The following CLUH variants were observed in gnomAD, a reference collection of about 807,000 sequenced individuals.
The protein encoded by CLUH is clustered mitochondria protein homolog.
In CLUH, 77 loss-of-function variants were observed where a neutral mutation model predicts 139.3. The observed-to-expected ratio is 0.55, with a 90% CI of 0.46 to 0.67. The LOEUF (loss-of-function observed/expected upper bound fraction) is 0.67. CLUH is among the 30% of genes least tolerant of loss of function. CLUH has a pLI of 0.00. For synonymous variants in CLUH, 999 were observed against 801.6 expected, an observed-to-expected ratio of 1.25 and a Z score of -4.16; for missense variants, 1,876 against 1,875.8, an observed-to-expected ratio of 1.00 and a Z score of 0.00.
chr17:2,708,291 A>T (rs1427747035), intron 1 of CLUH, among the ~76,000 whole-genome samples: 2 of 152,130 alleles, frequency 1.3e-5, no homozygotes, highest in Non-Finnish European at 2.9e-5. Flanking sequence ...ACCAGAGGAG[A>T]AGGACCAGGC....
intron 13 of CLUH, 155 bp from the exon 14 acceptor site, chr17:2,695,681 C>T: frequency 1.9e-6 from 2 of 1,031,634 alleles, no homozygotes; most frequent in East Asian, 5.3e-5. Context: ...CAGCCTCTGG[C>T]AGGAGCGCAG....
chr17:2,694,679 C>A, intron 16 of CLUH, 115 bp from the exon 17 acceptor site: 1 of 1,307,396 alleles, frequency 7.6e-7, no homozygotes, highest in South Asian at 1.4e-5. Context: ...CCCCACCCGG[C>A]CCCCGGGAGC....
At chr17:2,695,553 C>T (rs767447000) in intron 13 of CLUH, 27 bp from the exon 14 acceptor site, 2 of 1,561,378 alleles carry the variant, frequency 1.3e-6, no homozygotes, top group South Asian at 1.2e-5. Flanking sequence ...CTCAGGCCCC[C>T]ACCCAGCTCC....
chr17:2,697,139 C>G (rs574897029), intron 10 of CLUH, among the ~76,000 whole-genome samples, 197 bp from the exon 11 acceptor site: 1 of 152,344 alleles, frequency 6.6e-6, no homozygotes, highest in South Asian at 2.1e-4. Flanking sequence ...GTGGCTCACG[C>G]CTGTAATCCC....
rs1379888754 is a variant in CLUH at position 2,698,582 on chromosome 17, G to A, written c.1275C>T (p.Ser425=). 5 of 1,601,502 alleles carry A rather than the reference G, an allele frequency of 3.1e-6. No individual in the cohort carries two copies. The highest frequency in any genetic ancestry group is 4.3e-6 in the Non-Finnish European group (5 of 1,173,568). The change falls in exon 10 of 26, where the codon AGC becomes AGT. Residue 425 remains serine (S), a synonymous_variant. Transcript: ENST00000651024. The part of the protein sequence containing the change: ...LRERAIFKVH[S]DFTAAATRGA... ...CCCTGGTGGCTGCCGCGGTGAAGTCGCTGTGCACCTGGCGGGGGTCGAGGA... is the reference window on the plus strand; with the variant it reads ...CCCTGGTGGCTGCCGCGGTGAAGTCACTGTGCACCTGGCGGGGGTCGAGGA...
chr17:2,700,800 T>G lies in CLUH; in HGVS notation c.1051A>C (p.Ile351Leu). 6.5e-7 allele frequency: 1 copy of G among 1,529,208 alleles called. No homozygotes were observed. The highest frequency in any genetic ancestry group is 8.7e-7 in the Non-Finnish European group (1 of 1,143,834). 94.7% of individuals were successfully genotyped at this position (1,529,208 alleles called of 1,614,324 possible). The change falls in exon 8 of 26, where the codon ATC (isoleucine) becomes CTC (leucine). Residue 351 changes from isoleucine (I) to leucine (L), a missense_variant. By Grantham distance (5) the Ile-to-Leu change is conservative. Transcript: ENST00000651024. ...CTGTACACCTGGAATGGGGTGGCGA[T>G]CCTCTCGAACGGGTGGCGCTGGACC... ...KRVQRHPFERIATPFQVYSWT... is the reference protein window; with the variant it reads ...KRVQRHPFERLATPFQVYSWT...
chr17:2,690,656 G>T lies in CLUH; in HGVS notation c.3985C>A (p.Pro1329Thr), dbSNP rs1326512987. The T allele has an allele frequency of 2.6e-6, 4 of 1,540,292 alleles. No homozygotes were observed. The South Asian group carries it at 3.7e-5, about 14-fold the overall frequency. ...MATEPAPAGA[P>T]GDLGSQPPAA... Reference sequence around the variant, plus strand: ...GGGGGCTGGGAGCCCAGGTCTCCTGGGGCCCCCGCTGGCGCGGGCTCGGTA... The same window carrying T: ...GGGGGCTGGGAGCCCAGGTCTCCTGTGGCCCCCGCTGGCGCGGGCTCGGTA... The change falls in exon 26 of 26, where the codon CCA becomes ACA. Residue 1329 changes from proline to threonine, a missense_variant. Pro to Thr is a conservative substitution (Grantham distance 38). Coordinates refer to ENST00000651024, the MANE Select transcript of CLUH (RefSeq NM_001366661.1).
chr17:2,704,340 A>G lies in CLUH; in HGVS notation c.303+22T>C. ...CCCAGCAGGCTCAGGCCTGGCCCCC[A>G]GCACCCGTTCCTCCATCTTACCTGC... On this transcript the variant is annotated intron_variant, in intron 2 of 25. Transcript: ENST00000651024. The surrounding 1 kb of genome is among the most constrained non-coding windows in gnomAD (Gnocchi z 5.7). 4 of 1,602,606 alleles carry G rather than the reference A, an allele frequency of 2.5e-6. No homozygotes were observed. The highest frequency in any genetic ancestry group is 3.4e-6 in the Non-Finnish European group (4 of 1,174,530).
Position 2,704,305 on chromosome 17 carries a change from G to C in CLUH, c.303+57C>G. On this transcript the variant is annotated intron_variant, in intron 2 of 25. Coordinates refer to ENST00000651024, the MANE Select transcript of CLUH (RefSeq NM_001366661.1). This position sits in a 1 kb window ranked among gnomAD's most constrained non-coding sequence, Gnocchi z 5.7. ...AGCACGAGCAAGGCTGAGCTTTCCA[G>C]CTCACCCTCCCCAGCAGGCTCAGGC... The C allele has an allele frequency of 4.5e-6, 7 of 1,547,480 alleles. No individual in the cohort carries two copies. In the South Asian group the frequency reaches 8.2e-5, roughly 18 times the overall value.
chr17:2,693,349 T>A (rs1011382650), intron 19 of CLUH, among the ~76,000 whole-genome samples: 5 of 152,106 alleles, frequency 3.3e-5, no homozygotes, highest in Admixed American at 6.5e-5. Context: ...GGAGTCGATA[T>A]CACGCCACTA....
In CLUH at chr17:2,704,488, G is replaced by A. The variant is rs1276185775; in HGVS notation, c.177C>T (p.Pro59=). The A allele has an allele frequency of 4.4e-6, 7 of 1,592,838 alleles. No homozygotes were observed. Among genetic ancestry groups the A allele is most frequent in the Non-Finnish European group, 6.0e-6 (7 of 1,170,154 alleles). The stretch of plus-strand genomic sequence containing the variant: ...CGGCCTCGTCAAGCCCATTTTCCCT[G>A]GGTGGCTCGGCCGCCGCCGCCTCCT... ...LKKEAAAAEP[P]RENGLDEAGP... Residue 59 remains proline (P), a synonymous_variant, in exon 2 of 26, where the codon CCC becomes CCT. Coordinates refer to ENST00000651024, the MANE Select transcript of CLUH (RefSeq NM_001366661.1). This position sits in a 1 kb window ranked among gnomAD's most constrained non-coding sequence, Gnocchi z 5.7.
chr17:2,696,521 C>G lies in CLUH; in HGVS notation c.2203G>C (p.Glu735Gln), dbSNP rs371577642. The G allele has an allele frequency of 6.3e-6, 10 of 1,576,852 alleles. No homozygotes were observed. The highest frequency in any genetic ancestry group is 1.7e-4 in the Middle Eastern group (1 of 6,058). Residue 735 changes from glutamate (E) to glutamine (Q), a missense_variant, in exon 12 of 26, where the codon GAG (glutamate) becomes CAG (glutamine). Physicochemically the swap from Glu to Gln is conservative, Grantham distance 29 (BLOSUM62 2). This residue lies in a region of CLUH where 1,454 missense variants were observed against 1,384.4 expected (regional missense o/e 1.05). Coordinates refer to ENST00000651024, the MANE Select transcript of CLUH (RefSeq NM_001366661.1). ...DDGTADPRSR[E>Q]VIRNACKAVG... ...GCCTTGCACGCGTTGCGGATCACCT[C>G]CCGGCTCCGAGGGTCTGCTGTGGAG...
intron 25 of CLUH, among the ~76,000 whole-genome samples, chr17:2,691,352 A>C (rs1302103027): frequency 6.6e-6 from 1 of 152,002 alleles, no homozygotes. Flanking sequence ...TCGCAAGGTT[A>C]AGAGTTCGAG....
chr17:2,697,271 C>T (rs988648288), intron 10 of CLUH, among the ~76,000 whole-genome samples: 13 of 152,074 alleles, frequency 8.5e-5, no homozygotes, highest in African/African-American at 2.9e-4. Flanking sequence ...TGGTGGTGCA[C>T]GCCTGTAATA....
chr17:2,694,587 G>A (rs1292267000), intron 16 of CLUH, 23 bp from the exon 17 acceptor site: 2 of 1,554,974 alleles, frequency 1.3e-6, no homozygotes, highest in Admixed American at 1.9e-5. Context: ...CAGGGGGCCT[G>A]AGCAGCCCAA....
rs752225113 is a variant in CLUH at position 2,698,178 on chromosome 17, T to C, written c.1679A>G (p.Glu560Gly). 2.5e-6 allele frequency: 4 copies of C among 1,574,418 alleles called. No individual in the cohort carries two copies. In the Admixed American group the frequency reaches 7.4e-5, roughly 29 times the overall value. Residue 560 changes from glutamate to glycine, a missense_variant, in exon 10 of 26, where the codon GAG becomes GGG. Transcript: ENST00000651024. Reference sequence around the variant, plus strand: ...GATCTTGAGGGGCCGACTCGTGCGCTCCAGCAGCTCCAGGTACCGCGGGTG... The same window carrying C: ...GATCTTGAGGGGCCGACTCGTGCGCCCCAGCAGCTCCAGGTACCGCGGGTG... ...VSHPRYLELL[E>G]RTSRPLKILR...
At position 2,695,288 on chromosome 17, in the gene CLUH, G is replaced by C. The variant is rs1308309195; in HGVS notation, c.2545-8C>G. 65 of 1,613,704 alleles carry C rather than the reference G, an allele frequency of 4.0e-5. No individual in the cohort carries two copies. Among genetic ancestry groups the C allele is most frequent in the Non-Finnish European group, 5.4e-5 (64 of 1,179,846 alleles). On this transcript the variant is annotated splice_polypyrimidine_tract_variant and splice_region_variant and intron_variant, in intron 14 of 25. Coordinates refer to ENST00000651024, the MANE Select transcript of CLUH (RefSeq NM_001366661.1). ...TTCTCCAATGCCGATTTTCTGGAAG[G>C]ATTCAGAAGGGAGGTCTTGGTCAGG...
rs983509844 is a variant in CLUH, at chr17:2,695,116, G to C, written c.2608-15C>G. 5 of 1,612,270 alleles carry C rather than the reference G, an allele frequency of 3.1e-6. No individual in the cohort carries two copies. The highest frequency in any genetic ancestry group is 2.7e-5 in the African/African-American group (2 of 74,918). ...AGCTCGACTCCCTGCGAGGCAGGTTGGATCCGAGTCATGAGGGCCCTCAGC... is the reference window on the plus strand; with the variant it reads ...AGCTCGACTCCCTGCGAGGCAGGTTCGATCCGAGTCATGAGGGCCCTCAGC... On this transcript the variant is annotated splice_polypyrimidine_tract_variant and intron_variant, in intron 15 of 25. Coordinates refer to ENST00000651024, the MANE Select transcript of CLUH (RefSeq NM_001366661.1).
intron 1 of CLUH, among the ~76,000 whole-genome samples, chr17:2,709,026 G>T (rs755027666): frequency 2.0e-5 from 3 of 152,206 alleles, no homozygotes; most frequent in African/African-American, 2.4e-5. Context: ...TGCCCCAACA[G>T]CACTCTGCAT....
Sources: allele counts gnomAD v4.1 joint callset (sites outside exome capture counted in the v4.1 genomes callset), GRCh38; gene constraint gnomAD v4.1.1; regional missense constraint gnomAD v4.1.1; non-coding constraint Gnocchi (gnomAD v3.1); transcripts MANE v1.5; gene names NCBI Gene and HGNC (gene_info 2026-07-23, HGNC 2026-07-21).